Variants in SGCZ observed in about 807,000 individuals in gnomAD.
The protein encoded by SGCZ is zeta-sarcoglycan.
A neutral mutation model predicts 41.3 loss-of-function variants in SGCZ; 40 were observed. The ratio of observed to expected loss-of-function variants is 0.97; its 90% confidence interval spans 0.75 to 1.26. The LOEUF is 1.26. Ranked by LOEUF, SGCZ falls within the 50% of genes most tolerant of loss-of-function variation. The pLI is 0.00. For synonymous variants in SGCZ, 206 were observed against 137.5 expected (o/e 1.50, Z -3.49); for missense variants, 552 against 369.8 (o/e 1.49, Z -4.04).
rs565416806 is a variant in SGCZ at position 14,769,793 on chromosome 8, T to TAAAAAAAAAAAAA, written c.40-214880_40-214868dup. Among the ~76,000 whole-genome samples the TAAAAAAAAAAAAA allele has an allele frequency of 3.7e-3, 195 of 52,100 alleles. 3 individuals carry two copies. Among genetic ancestry groups the TAAAAAAAAAAAAA allele is most frequent in the East Asian group, 8.0e-3 (15 of 1,882 alleles). 34.2% of individuals were successfully genotyped at this position (52,100 alleles called of 152,430 possible). A position where few individuals can be genotyped will look rare whatever the true frequency, so the allele number is the denominator to read the frequency against. On this transcript the variant is annotated intron_variant, in intron 1 of 7. Transcript: ENST00000382080. ...CTGGGCGACAAGAGCAAAACACCAT[T>TAAAAAAAAAAAAA]AAAAAAAAAAAAAAAAAAAAAACCC...
chr8:14,836,720 C>G (rs1802714329), intron 1 of SGCZ, among the ~76,000 whole-genome samples: 1 of 152,156 alleles, frequency 6.6e-6, no homozygotes, highest in Admixed American at 6.5e-5. Flanking sequence ...AGGCTGGTCT[C>G]AAACTCCTTG....
intron 1 of SGCZ, among the ~76,000 whole-genome samples, chr8:14,612,211 A>C (rs976418036): frequency 1.3e-5 from 2 of 151,990 alleles, no homozygotes; most frequent in African/African-American, 4.8e-5. Context: ...TGTAATCCCC[A>C]TGTGTTGAGG....
intron 5 of SGCZ, among the ~76,000 whole-genome samples, chr8:14,138,447 C>T (rs548629039): frequency 9.9e-4 from 149 of 150,422 alleles, no homozygotes; most frequent in African/African-American, 3.3e-3. Context: ...ATCCATCTCA[C>T]GTGCAGAGAC....
intron 4 of SGCZ, among the ~76,000 whole-genome samples, chr8:14,174,735 G>T (rs1175094545): frequency 6.6e-6 from 1 of 152,128 alleles, no homozygotes; most frequent in Non-Finnish European, 1.5e-5. Context: ...TGCCAGGGCT[G>T]CTGTAATAAA....
intron 2 of SGCZ, among the ~76,000 whole-genome samples, chr8:14,413,816 G>A (rs1389410133): frequency 6.6e-6 from 1 of 151,824 alleles, no homozygotes; most frequent in Admixed American, 6.6e-5. Context: ...TACATATATG[G>A]TTTAGATAGA....
At chr8:14,793,754 C>T (rs1801035440) in intron 1 of SGCZ, among the ~76,000 whole-genome samples, 1 of 152,140 alleles carries the variant, frequency 6.6e-6, no homozygotes. Flanking sequence ...CCATCCCCCA[C>T]CTACCCTGCC....
chr8:14,862,658 T>A (rs2130683453), intron 1 of SGCZ, among the ~76,000 whole-genome samples: 1 of 149,648 alleles, frequency 6.7e-6, no homozygotes, highest in African/African-American at 2.4e-5. Context: ...CACTTTTGTG[T>A]TTGGACTCAA....
chr8:15,077,681 A>G (rs1346691046), intron 1 of SGCZ, among the ~76,000 whole-genome samples: 8 of 151,968 alleles, frequency 5.3e-5, no homozygotes, highest in Non-Finnish European at 1.2e-4. Context: ...ACCTTATCTT[A>G]CTCCCTCTGC....
chr8:14,479,643 C>CA (rs1194622954), intron 2 of SGCZ, among the ~76,000 whole-genome samples: 2 of 150,160 alleles, frequency 1.3e-5, no homozygotes, highest in Non-Finnish European at 3.0e-5. Flanking sequence ...TCCTTCACAT[C>CA]AAAAAACAAC....
At chr8:14,948,062 T>G (rs1406182429) in intron 1 of SGCZ, among the ~76,000 whole-genome samples, 1 of 152,176 alleles carries the variant, frequency 6.6e-6, no homozygotes, top group Admixed American at 6.5e-5. Flanking sequence ...AAGAGAAGCT[T>G]CCACAGACCA....
At chr8:14,120,170 C>A (rs530384677) in intron 5 of SGCZ, among the ~76,000 whole-genome samples, 2 of 152,164 alleles carry the variant, frequency 1.3e-5, no homozygotes, top group African/African-American at 4.8e-5. Flanking sequence ...ATTATCAGGA[C>A]CATTCCTTTA....
intron 1 of SGCZ, among the ~76,000 whole-genome samples, chr8:14,893,831 C>A (rs1389333250): frequency 6.6e-6 from 1 of 152,178 alleles, no homozygotes; most frequent in Non-Finnish European, 1.5e-5. Flanking sequence ...ATAATCACTT[C>A]TTTACAAGAC....
At chr8:14,204,674 A>G (rs11991371) in intron 4 of SGCZ, among the ~76,000 whole-genome samples, 4,091 of 152,250 alleles carry the variant, frequency 0.027, 194 homozygotes, top group African/African-American at 0.093. Context: ...TCCAATCATC[A>G]GCGGCGCTGG....
intron 1 of SGCZ, among the ~76,000 whole-genome samples, chr8:14,939,677 G>A (rs138576782): frequency 5.9e-5 from 9 of 152,018 alleles, no homozygotes; most frequent in African/African-American, 7.2e-5. Context: ...CATTTTGTAC[G>A]AGCTCATAAA....
chr8:14,898,786 A>G (rs1805295956), intron 1 of SGCZ, among the ~76,000 whole-genome samples: 1 of 152,174 alleles, frequency 6.6e-6, no homozygotes, highest in African/African-American at 2.4e-5. Context: ...TTGGAAATAT[A>G]AAAGAATAAT....
At chr8:14,423,171 C>T (rs1370478677) in intron 2 of SGCZ, among the ~76,000 whole-genome samples, 4 of 146,090 alleles carry the variant, frequency 2.7e-5, no homozygotes, top group African/African-American at 7.6e-5. Flanking sequence ...GTGGGGTGGG[C>T]GGAGGGGGGA....
intron 1 of SGCZ, among the ~76,000 whole-genome samples, chr8:14,686,491 G>T (rs112866000): frequency 0.013 from 1,906 of 152,136 alleles, 31 homozygotes; most frequent in Middle Eastern, 0.034. Context: ...TTGGACAGAA[G>T]GTAGTTGGAA....
intron 1 of SGCZ, among the ~76,000 whole-genome samples, chr8:14,638,967 C>T (rs180793356): frequency 5.3e-5 from 8 of 150,976 alleles, no homozygotes; most frequent in African/African-American, 1.2e-4. Flanking sequence ...CAATAATATC[C>T]GAAAAGTAAG....
rs1202364292 is a variant in SGCZ, at chr8:14,577,778, C to T, written c.40-22852G>A. On this transcript the variant is annotated intron_variant, in intron 1 of 7. Coordinates refer to ENST00000382080, the MANE Select transcript of SGCZ (RefSeq NM_139167.4). ...AACATTCATCATTTTATCTGAATTTCGTGCATCCATTGAGATTCTGTGTGT... is the reference window on the plus strand; with the variant it reads ...AACATTCATCATTTTATCTGAATTTTGTGCATCCATTGAGATTCTGTGTGT... Among the ~76,000 whole-genome samples the T allele has an allele frequency of 3.9e-5, 6 of 152,272 alleles. No individual in the cohort carries two copies. In the South Asian group the frequency reaches 6.2e-4, roughly 16 times the overall value.
Sources: gnomAD v4.1 joint callset for allele counts (sites outside exome capture counted in the v4.1 genomes callset) on GRCh38, gnomAD v4.1.1 for gene constraint, MANE v1.5 for transcripts, NCBI Gene and HGNC (gene_info 2026-07-23, HGNC 2026-07-21) for gene names.